LRRC37A: variants seen among roughly 807,000 people sequenced by gnomAD.
LRRC37A encodes leucine-rich repeat-containing protein 37A.
LRRC37A carries 3 observed loss-of-function variants against 35.4 expected under a neutral mutation model. The observed-to-expected ratio is 0.08, with a 90% CI of 0.04 to 0.22. LRRC37A has a LOEUF of 0.22. LRRC37A is among the 10% of genes least tolerant of loss of function. The probability of loss-of-function intolerance (pLI) is 1.00; values close to 1 mark genes in which losing one functional copy is unlikely to be tolerated. For missense variants in LRRC37A, 67 were observed against 565.3 expected (o/e 0.12, Z 8.94); for synonymous variants, 23 against 215.0 (o/e 0.11, Z 7.81).
At position 46,331,264 on chromosome 17, in the gene LRRC37A, GAA is replaced by G; in HGVS notation, c.3990_3991del (p.Ser1331LeufsTer4). 1 of 985,248 alleles carries G rather than the reference GAA, an allele frequency of 1.0e-6. No individual in the cohort carries two copies. 61.0% of individuals were successfully genotyped at this position (985,248 alleles called of 1,614,324 possible). On this transcript the variant is annotated frameshift_variant, in exon 9 of 14. Coordinates refer to ENST00000320254, the Ensembl canonical transcript of LRRC37A. LOFTEE classifies it high-confidence loss of function. ...TCAAAAAGAGTCCAAAGGTCAGAAAGAAAAGTTATCTGAGTAGACTGATGCTC... is the reference window on the plus strand; with the variant it reads ...TCAAAAAGAGTCCAAAGGTCAGAAAGAAGTTATCTGAGTAGACTGATGCTC...
chr17:46,250,984 C>T, the LRRC37A span, among the ~76,000 whole-genome samples: 1 of 152,118 alleles, frequency 6.6e-6, no homozygotes, highest in African/African-American at 2.4e-5. Flanking sequence ...ATTGTAGTGG[C>T]ACAATTGTGA....
chr17:46,257,175 G>A, the LRRC37A span, among the ~76,000 whole-genome samples: 1 of 151,824 alleles, frequency 6.6e-6, no homozygotes, highest in Non-Finnish European at 1.5e-5. Context: ...GGCTGGGCAT[G>A]GTGGCTCACA....
the LRRC37A span, chr17:46,268,802 T>C: frequency 2.4e-5 from 19 of 807,564 alleles, no homozygotes; most frequent in Non-Finnish European, 3.3e-5. Context: ...AAAGCTACTC[T>C]ATGAATGACC....
the LRRC37A span, among the ~76,000 whole-genome samples, chr17:46,283,927 GATACAC>G: frequency 1.3e-5 from 2 of 152,246 alleles, no homozygotes; most frequent in South Asian, 2.1e-4. Context: ...CTGTGCTTTA[GATACAC>G]ATACACATAA....
chr17:46,255,366 T>TC, the LRRC37A span, among the ~76,000 whole-genome samples: 1 of 113,630 alleles, frequency 8.8e-6, no homozygotes, highest in Non-Finnish European at 2.3e-5. Flanking sequence ...CCAAATTCTT[T>TC]TTTTTTTTTT....
upstream of LRRC37A, among the ~76,000 whole-genome samples, chr17:46,289,925 G>A (rs1435766490): frequency 7.2e-5 from 11 of 152,214 alleles, no homozygotes; most frequent in Admixed American, 7.2e-4. Context: ...CTCAAGAGCA[G>A]CCTGGCCACA....
At chr17:46,273,116 T>A in the LRRC37A span, among the ~76,000 whole-genome samples, 1 of 152,266 alleles carries the variant, frequency 6.6e-6, no homozygotes, top group Non-Finnish European at 1.5e-5. Context: ...CAACAAATTT[T>A]AAATGATTAA....
chr17:46,265,335 CTCTTCT>C, the LRRC37A span, among the ~76,000 whole-genome samples: 27 of 108,914 alleles, frequency 2.5e-4, no homozygotes, highest in South Asian at 1.6e-3. Context: ...TTTTTTTCTC[CTCTTCT>C]TCTTCTTCTT....
the LRRC37A span, among the ~76,000 whole-genome samples, chr17:46,265,484 C>CT: frequency 0.045 from 6,492 of 145,496 alleles, 852 homozygotes; most frequent in East Asian, 0.42. Context: ...CTTCTTCTTT[C>CT]TTTTTTTTTC....
upstream of LRRC37A, among the ~76,000 whole-genome samples, chr17:46,291,883 C>T (rs1243129525): frequency 6.7e-6 from 1 of 148,958 alleles, no homozygotes; most frequent in Non-Finnish European, 1.5e-5. Flanking sequence ...ACTTACTGAT[C>T]TGGGTAGGGG....
At chr17:46,259,055 C>CTTTTTTTTTTTT in the LRRC37A span, among the ~76,000 whole-genome samples, 1 of 15,796 alleles carries the variant, frequency 6.3e-5, no homozygotes, top group Non-Finnish European at 2.5e-4. Flanking sequence ...TTTTTTTTTA[C>CTTTTTTTTTTTT]TAACCAGGGG....
chr17:46,311,374 TC>T (rs1487088877), intron 5 of LRRC37A: 1 of 311,754 alleles, frequency 3.2e-6, no homozygotes, highest in African/African-American at 2.4e-5. Flanking sequence ...TTGACTACCT[TC>T]TTCCATGGAA....
chr17:46,259,562 T>C, the LRRC37A span: 24 of 1,612,016 alleles, frequency 1.5e-5, no homozygotes, highest in Admixed American at 1.0e-4. Flanking sequence ...TGTTTAACCA[T>C]GCTACCTGCC....
the LRRC37A span, among the ~76,000 whole-genome samples, chr17:46,263,875 G>C: frequency 1.2e-4 from 15 of 127,660 alleles, no homozygotes; most frequent in African/African-American, 4.1e-4. Context: ...AAAAAAAAAA[G>C]AGAGAGAGAC....
chr17:46,254,234 C>T, the LRRC37A span, among the ~76,000 whole-genome samples: 1 of 152,068 alleles, frequency 6.6e-6, no homozygotes, highest in African/African-American at 2.4e-5. Context: ...TGGCTCCTCC[C>T]ACTGTGGCCC....
chr17:46,271,051 T>C, the LRRC37A span, among the ~76,000 whole-genome samples: 1 of 152,236 alleles, frequency 6.6e-6, no homozygotes, highest in Non-Finnish European at 1.5e-5. Context: ...TTATTAAAAA[T>C]ACTTCTCGGT....
the LRRC37A span, among the ~76,000 whole-genome samples, chr17:46,281,807 C>A: frequency 1.3e-5 from 2 of 151,958 alleles, no homozygotes; most frequent in Non-Finnish European, 2.9e-5. Flanking sequence ...CCACACCTGG[C>A]TAATTTTTGT....
At chr17:46,257,669 C>A in the LRRC37A span, among the ~76,000 whole-genome samples, 7 of 113,760 alleles carry the variant, frequency 6.2e-5, no homozygotes, top group Admixed American at 2.9e-4. Flanking sequence ...AAAAAAAAAA[C>A]ACCAAAGTCA....
At chr17:46,279,223 G>A in the LRRC37A span, among the ~76,000 whole-genome samples, 19 of 138,476 alleles carry the variant, frequency 1.4e-4, no homozygotes, top group African/African-American at 4.4e-4. Context: ...TCGCTCTGTC[G>A]CCTAGGCTGG....
Sources: allele counts gnomAD v4.1 joint callset (sites outside exome capture counted in the v4.1 genomes callset), GRCh38; gene constraint gnomAD v4.1.1; transcripts MANE v1.5; gene names NCBI Gene and HGNC (gene_info 2026-07-23, HGNC 2026-07-21).